UNC13B: variants seen among roughly 807,000 people sequenced by gnomAD.
UNC13B encodes protein unc-13 homolog B.
In UNC13B, 144 loss-of-function variants were observed where a neutral mutation model predicts 211.0. That is an observed-to-expected ratio of 0.68 (90% confidence interval 0.60 to 0.78). The LOEUF (loss-of-function observed/expected upper bound fraction) is 0.78, where lower values mean the gene tolerates loss of function less well. UNC13B is among the 30% of genes least tolerant of loss of function. UNC13B has a pLI of 0.00. For synonymous variants in UNC13B, 709 were observed against 725.8 expected (o/e 0.98, Z 0.37); for missense variants, 1,777 against 2,002.0 (o/e 0.89, Z 2.14).
chr9:35,291,199 C>A (rs777101117), intron 7 of UNC13B: 1 of 1,191,936 alleles, frequency 8.4e-7, no homozygotes, highest in Non-Finnish European at 1.2e-6. Flanking sequence ...CATGCATAGA[C>A]TTCCATTTCC....
chr9:35,283,454 A>T (rs1261709974), intron 7 of UNC13B, among the ~76,000 whole-genome samples: 3 of 152,136 alleles, frequency 2.0e-5, no homozygotes, highest in Non-Finnish European at 4.4e-5. Flanking sequence ...TTATTTTCAC[A>T]TTTAGCCTCA....
rs770212680 is a variant in UNC13B at position 35,384,246 on chromosome 9, A to G, written c.10807A>G (p.Lys3603Glu). 6.2e-7 allele frequency: 1 copy of G among 1,614,058 alleles called. No individual in the cohort carries two copies. The highest frequency in any genetic ancestry group is 1.3e-5 in the African/African-American group (1 of 75,044). ...CCCTTTATTTGTTTCTCACCCTCAG[A>G]AAGAGAGATTTGTAAAACTGCTGGA... The part of the protein sequence containing the change: ...SDRFAASNFG[K>E]ERFVKLLDQL... Residue 3603 changes from lysine (K) to glutamate (E), a missense_variant and splice_region_variant, in exon 22 of 40, where the codon AAA (lysine) becomes GAA (glutamate). Physicochemically the swap from Lys to Glu is moderately conservative, Grantham distance 56. Coordinates refer to ENST00000635942, the MANE Select transcript of UNC13B (RefSeq NM_001371189.2).
chr9:35,313,092 T>C (rs1017236002), intron 10 of UNC13B, among the ~76,000 whole-genome samples: 1 of 152,170 alleles, frequency 6.6e-6, no homozygotes, highest in East Asian at 1.9e-4. Context: ...TTGAAAGGCT[T>C]ATTCCACCCC....
chr9:35,167,359 G>A (rs572385498), intron 1 of UNC13B, among the ~76,000 whole-genome samples: 1 of 151,948 alleles, frequency 6.6e-6, no homozygotes, highest in African/African-American at 2.4e-5. Flanking sequence ...AGGCATGAGC[G>A]CCTGGCCAGT....
chr9:35,391,445 T>C (rs963433632), intron 26 of UNC13B, among the ~76,000 whole-genome samples: 28 of 152,124 alleles, frequency 1.8e-4, no homozygotes, highest in African/African-American at 6.8e-4. Flanking sequence ...AGAGTCTGGA[T>C]CTGTTATTTG....
intron 1 of UNC13B, among the ~76,000 whole-genome samples, chr9:35,193,820 T>G (rs1822792240): frequency 6.6e-6 from 1 of 152,150 alleles, no homozygotes; most frequent in Non-Finnish European, 1.5e-5. Flanking sequence ...TGGTTTGTAG[T>G]AGAGAGGCTC....
At chr9:35,179,529 T>A (rs10738940) in intron 1 of UNC13B, among the ~76,000 whole-genome samples, 7 of 152,034 alleles carry the variant, frequency 4.6e-5, no homozygotes, top group African/African-American at 1.2e-4. Context: ...AGTGGCTCGC[T>A]CCTGTAATCC....
chr9:35,351,274 C>T, intron 11 of UNC13B: 1 of 1,168,786 alleles, frequency 8.6e-7, no homozygotes, highest in Non-Finnish European at 1.1e-6. Flanking sequence ...CCTGAGTGCA[C>T]TATTTTCCTT....
At chr9:35,271,732 A>G (rs1056237428) in intron 7 of UNC13B, among the ~76,000 whole-genome samples, 7 of 152,320 alleles carry the variant, frequency 4.6e-5, no homozygotes, top group Non-Finnish European at 7.3e-5. Flanking sequence ...TTCAATTTTT[A>G]TACATGTCTG....
intron 1 of UNC13B, among the ~76,000 whole-genome samples, chr9:35,215,730 AT>A (rs963537641): frequency 1.7e-4 from 26 of 152,128 alleles, no homozygotes; most frequent in African/African-American, 5.8e-4. Context: ...AAAATGAGCA[AT>A]TTTTTTCCTA....
chr9:35,307,527 A>G lies in UNC13B; in HGVS notation c.8123A>G (p.Asn2708Ser), dbSNP rs1256721936. Reference sequence around the variant, plus strand: ...CTAGAAACTGATACTATGCTGTTCAATGATGCAAGTGTGAGCCAGAGCACC... The same window carrying G: ...CTAGAAACTGATACTATGCTGTTCAGTGATGCAAGTGTGAGCCAGAGCACC... ...SSLETDTMLF[N>S]DASVSQSTTL... is the part of the protein sequence containing the mutation. Residue 2708 changes from asparagine to serine, a missense_variant, in exon 9 of 40, where the codon AAT becomes AGT. Physicochemically the swap from Asn to Ser is conservative, Grantham distance 46. Transcript: ENST00000635942. 16 of 398,948 alleles carry G rather than the reference A, an allele frequency of 4.0e-5. No homozygotes were observed. The highest frequency in any genetic ancestry group is 8.8e-5 in the Admixed American group (2 of 22,716). The allele number at this position is 398,948 out of a possible 1,614,324, so 24.7% of individuals were successfully genotyped here. A position where few individuals can be genotyped will look rare whatever the true frequency, so the allele number is the denominator to read the frequency against.
intron 1 of UNC13B, among the ~76,000 whole-genome samples, chr9:35,191,050 C>T (rs963582418): frequency 1.3e-5 from 2 of 152,090 alleles, no homozygotes; most frequent in African/African-American, 2.4e-5. Context: ...ACTCCCATCT[C>T]CCGGGTTCCA....
intron 5 of UNC13B, among the ~76,000 whole-genome samples, chr9:35,242,948 G>C (rs1225182401): frequency 6.6e-6 from 1 of 152,102 alleles, no homozygotes; most frequent in Non-Finnish European, 1.5e-5. Context: ...CTGAGGGGAA[G>C]GTAGTATGGT....
chr9:35,340,515 G>A (rs2132008754), intron 11 of UNC13B, among the ~76,000 whole-genome samples: 1 of 152,310 alleles, frequency 6.6e-6, no homozygotes, highest in East Asian at 1.9e-4. Flanking sequence ...ATCCTAGGAT[G>A]GTCCCCATAG....
At position 35,291,040 on chromosome 9, in the gene UNC13B, T is replaced by A. The variant is rs1587551465; in HGVS notation, c.527-4656T>A. ...CCTTCAAAAAAGTATTTTCAAAAAT[T>A]ATCTGCTGCTTCTTTGTGGTTTTCT... On this transcript the variant is annotated intron_variant, in intron 7 of 39. Coordinates refer to ENST00000635942, the MANE Select transcript of UNC13B (RefSeq NM_001371189.2). 5 of 1,549,676 alleles carry A rather than the reference T, an allele frequency of 3.2e-6. No homozygotes were observed. In the South Asian group the frequency reaches 6.0e-5, roughly 18 times the overall value.
intron 1 of UNC13B, among the ~76,000 whole-genome samples, chr9:35,226,801 G>A (rs748517625): frequency 6.6e-6 from 1 of 152,176 alleles, no homozygotes; most frequent in African/African-American, 2.4e-5. Flanking sequence ...GTCTCTCCCA[G>A]TCCACTGACT....
chr9:35,220,113 T>C (rs1296555756), intron 1 of UNC13B, among the ~76,000 whole-genome samples: 1 of 152,038 alleles, frequency 6.6e-6, no homozygotes, highest in African/African-American at 2.4e-5. Flanking sequence ...AATATGAATA[T>C]ATATTTTTAT....
At chr9:35,400,936 G>C (rs1014627857) in intron 37 of UNC13B, among the ~76,000 whole-genome samples, 1 of 152,120 alleles carries the variant, frequency 6.6e-6, no homozygotes, top group Non-Finnish European at 1.5e-5. Flanking sequence ...GTGGATCCTG[G>C]GGCCCTGTGC....
intron 11 of UNC13B, among the ~76,000 whole-genome samples, chr9:35,343,638 G>T (rs1185875760): frequency 6.6e-6 from 1 of 152,142 alleles, no homozygotes; most frequent in Non-Finnish European, 1.5e-5. Flanking sequence ...GAAAAGATGA[G>T]TGAAAGAACG....
Sources: gnomAD v4.1 joint callset for allele counts (sites outside exome capture counted in the v4.1 genomes callset) on GRCh38, gnomAD v4.1.1 for gene constraint, MANE v1.5 for transcripts, NCBI Gene and HGNC (gene_info 2026-07-23, HGNC 2026-07-21) for gene names.